Variants in ZNF236 observed in about 807,000 individuals in gnomAD.
ZNF236 encodes regulated by glucose.
Under a neutral mutation model 191.2 loss-of-function variants are expected in ZNF236, and 50 were observed. That is an observed-to-expected ratio of 0.26 (90% CI 0.21 to 0.33). The LOEUF is 0.33. ZNF236 is among the 10% of genes least tolerant of loss of function. ZNF236 has a pLI of 1.00. For synonymous variants in ZNF236, 907 were observed against 928.8 expected (o/e 0.98, Z 0.43); for missense variants, 1,754 against 2,374.5 (o/e 0.74, Z 5.43).
At chr18:76,850,605 G>C (rs1389996622) in intron 2 of ZNF236, among the ~76,000 whole-genome samples, 1 of 151,792 alleles carries the variant, frequency 6.6e-6, no homozygotes, top group Non-Finnish European at 1.5e-5. Context: ...TTTACCTGAA[G>C]TGTTTTTGTT....
rs750744341 is a variant in ZNF236, at chr18:76,903,343, C to T, written c.1895-1037C>T. 5.3e-5 allele frequency among the ~76,000 whole-genome samples: 8 copies of T among 152,278 alleles called. No individual in the cohort carries two copies. The South Asian group carries it at 8.3e-4, about 16-fold the overall frequency. ...ACAGGGAAGGGAACTCTCAGAGGTC[C>T]GGGGCTCCCCAGCCTTAGGGACCAG... On this transcript the variant is annotated intron_variant, in intron 11 of 30. Transcript: ENST00000320610.
intron 25 of ZNF236, among the ~76,000 whole-genome samples, chr18:76,935,430 T>C (rs1336929094): frequency 6.6e-6 from 1 of 152,244 alleles, no homozygotes; most frequent in Non-Finnish European, 1.5e-5. Context: ...TTTTACATTT[T>C]TCATGCTGCA....
At chr18:76,877,538 A>G (rs1228524803) in intron 6 of ZNF236, among the ~76,000 whole-genome samples, 1 of 152,146 alleles carries the variant, frequency 6.6e-6, no homozygotes, top group Non-Finnish European at 1.5e-5. Context: ...TTGTTGATAC[A>G]GAATATCAAA....
At chr18:76,948,349 A>G (rs1968319708) in intron 27 of ZNF236, among the ~76,000 whole-genome samples, 1 of 152,232 alleles carries the variant, frequency 6.6e-6, no homozygotes. Flanking sequence ...GAGATGAGAT[A>G]TAACGAGCAC....
At chr18:76,840,338 T>TA (rs1309979979) in intron 1 of ZNF236, among the ~76,000 whole-genome samples, 2 of 151,944 alleles carry the variant, frequency 1.3e-5, no homozygotes, top group Non-Finnish European at 2.9e-5. Context: ...CTACTAAAAA[T>TA]ACAAAATTAG....
At chr18:76,848,484 A>G (rs1208131566) in intron 1 of ZNF236, among the ~76,000 whole-genome samples, 2 of 152,158 alleles carry the variant, frequency 1.3e-5, no homozygotes, top group Non-Finnish European at 1.5e-5. Flanking sequence ...ATTTTTGACA[A>G]GTTTTGTGAT....
At chr18:76,850,739 A>G (rs980672257) in intron 2 of ZNF236, among the ~76,000 whole-genome samples, 2 of 151,760 alleles carry the variant, frequency 1.3e-5, no homozygotes, top group Non-Finnish European at 2.9e-5. Flanking sequence ...AGTAGCTGGG[A>G]TTACAGGCAT....
chr18:76,902,472 C>T (rs1439749945), intron 11 of ZNF236, among the ~76,000 whole-genome samples: 1 of 152,164 alleles, frequency 6.6e-6, no homozygotes, highest in Non-Finnish European at 1.5e-5. Context: ...AGGGTTCTGC[C>T]ATCACTGTTT....
chr18:76,926,660 A>T (rs1308205673), intron 22 of ZNF236, among the ~76,000 whole-genome samples: 1 of 141,822 alleles, frequency 7.1e-6, no homozygotes, highest in Non-Finnish European at 1.5e-5. Context: ...AAGGGTGATT[A>T]GACTGTGTGT....
chr18:76,902,407 G>A (rs530198348), intron 11 of ZNF236, among the ~76,000 whole-genome samples: 4 of 152,258 alleles, frequency 2.6e-5, no homozygotes, highest in South Asian at 2.1e-4. Context: ...GGAAGCTAGC[G>A]GTAGTCCAGG....
intron 1 of ZNF236, among the ~76,000 whole-genome samples, chr18:76,833,556 G>A (rs750714932): frequency 2.1e-4 from 32 of 152,112 alleles, no homozygotes; most frequent in Middle Eastern, 3.4e-3. Flanking sequence ...AACTTGTTGC[G>A]ATATTATTCT....
intron 3 of ZNF236, among the ~76,000 whole-genome samples, chr18:76,853,279 A>G (rs972752439): frequency 6.6e-6 from 1 of 151,900 alleles, no homozygotes; most frequent in Admixed American, 6.6e-5. Context: ...GGGTTTCACC[A>G]TGTTGGCCAA....
chr18:76,878,094 T>G lies in ZNF236; in HGVS notation c.926T>G (p.Met309Arg). 6.2e-7 allele frequency: 1 copy of G among 1,613,482 alleles called. No individual in the cohort carries two copies. Residue 309 changes from methionine to arginine, a missense_variant, in exon 7 of 31, where the codon ATG becomes AGG. Transcript: ENST00000320610. ...AGCTTAAACACGCATATCAGCAAGA[T>G]GCATATGGGTGGGCCACAGAATTCA... ...LGSLNTHISKMHMGGPQNSTS... is the reference protein window; with the variant it reads ...LGSLNTHISKRHMGGPQNSTS...
In ZNF236 at chr18:76,885,594, G is replaced by T. The variant is rs73487089; in HGVS notation, c.1417+4082G>T. 7.0e-3 allele frequency: 1,269 copies of T among 182,324 alleles called. 16 individuals carry two copies. The highest frequency in any genetic ancestry group is 0.028 in the African/African-American group (1,182 of 42,192). 11.3% of individuals were successfully genotyped at this position (182,324 alleles called of 1,614,324 possible). On this transcript the variant is annotated intron_variant, in intron 9 of 30. Coordinates refer to ENST00000320610, the MANE Select transcript of ZNF236 (RefSeq NM_001306089.2). ...TGCCTTTCTCAGCAGCAGACTGGTT[G>T]TTTTCTTCTGCTGGTCAGAGCAATT... is the stretch of plus-strand genomic sequence containing the variant.
chr18:76,835,721 T>C (rs1261626802), intron 1 of ZNF236, among the ~76,000 whole-genome samples: 1 of 152,224 alleles, frequency 6.6e-6, no homozygotes, highest in Non-Finnish European at 1.5e-5. Context: ...TTAACTTTTC[T>C]AAGTATGGCC....
chr18:76,861,583 C>T (rs1052747998), intron 3 of ZNF236, among the ~76,000 whole-genome samples: 7 of 152,278 alleles, frequency 4.6e-5, no homozygotes, highest in Non-Finnish European at 8.8e-5. Context: ...ATAATACATT[C>T]CTTGCTGCCT....
intron 27 of ZNF236, among the ~76,000 whole-genome samples, chr18:76,950,890 T>C (rs1231227613): frequency 6.6e-6 from 1 of 152,250 alleles, no homozygotes; most frequent in Non-Finnish European, 1.5e-5. Flanking sequence ...TGGGCTACAG[T>C]GTGGATGTCA....
chr18:76,874,439 C>T lies in ZNF236; in HGVS notation c.668-1053C>T, dbSNP rs150428530. 2.8e-3 allele frequency among the ~76,000 whole-genome samples: 426 copies of T among 152,090 alleles called. 1 individual carries two copies. The highest frequency in any genetic ancestry group is 0.017 in the Middle Eastern group (5 of 294). ...TGCTCATTCCTTCATTCATCAGATC[C>T]GTACTGCATGCTAGTGTGCACAGGG... On this transcript the variant is annotated intron_variant, in intron 5 of 30. Coordinates refer to ENST00000320610, the MANE Select transcript of ZNF236 (RefSeq NM_001306089.2).
intron 25 of ZNF236, among the ~76,000 whole-genome samples, chr18:76,936,751 C>T (rs528750678): frequency 2.0e-5 from 3 of 148,936 alleles, no homozygotes; most frequent in South Asian, 2.1e-4. Context: ...GGGTAAGCTC[C>T]GGAAGTAGCT....
Sources: allele counts gnomAD v4.1 joint callset (sites outside exome capture counted in the v4.1 genomes callset), GRCh38; gene constraint gnomAD v4.1.1; transcripts MANE v1.5; gene names NCBI Gene and HGNC (gene_info 2026-07-23, HGNC 2026-07-21).